ZNF569: variants seen among roughly 807,000 people sequenced by gnomAD.
ZNF569 encodes the protein DNA-binding protein.
In ZNF569, 38 loss-of-function variants were observed where a neutral mutation model predicts 56.3. The observed-to-expected ratio is 0.68, with a 90% CI of 0.52 to 0.88. The LOEUF is 0.88. ZNF569 is among the 40% of genes least tolerant of loss of function. The pLI, the probability that ZNF569 is intolerant of heterozygous loss-of-function variation, is 0.00. For missense variants in ZNF569, 666 were observed against 809.2 expected, an observed-to-expected ratio of 0.82 and a Z score of 2.15; for synonymous variants, 241 against 262.9, an observed-to-expected ratio of 0.92 and a Z score of 0.81.
At position 37,421,743 on chromosome 19, in the gene ZNF569, C is replaced by CTTTT. The variant is rs748058159; in HGVS notation, c.238+4121_238+4124dup. 1.2e-3 allele frequency among the ~76,000 whole-genome samples: 96 copies of CTTTT among 79,696 alleles called. 2 individuals are homozygous for CTTTT. The highest frequency in any genetic ancestry group is 0.011 in the Middle Eastern group (1 of 90). 52.3% of individuals were successfully genotyped at this position (79,696 alleles called of 152,430 possible). ...CATTTGTGTGTATACTGTAGTGGCA[C>CTTTT]TTTTTTTTTTTTTTTTTTTTTTTTG... On this transcript the variant is annotated intron_variant, in intron 5 of 5. Transcript: ENST00000316950.
intron 5 of ZNF569, among the ~76,000 whole-genome samples, chr19:37,416,804 T>A (rs1250159848): frequency 6.6e-6 from 1 of 152,130 alleles, no homozygotes; most frequent in East Asian, 1.9e-4. Flanking sequence ...ATGAAAAATA[T>A]ACAAAAATAA....
chr19:37,443,482 C>G (rs1194498347), intron 3 of ZNF569, among the ~76,000 whole-genome samples: 1 of 152,110 alleles, frequency 6.6e-6, no homozygotes, highest in African/African-American at 2.4e-5. Flanking sequence ...CACAAGTATT[C>G]ACAGAATATC....
chr19:37,452,467 AT>A (rs1364777584), intron 2 of ZNF569, among the ~76,000 whole-genome samples: 1 of 151,962 alleles, frequency 6.6e-6, no homozygotes, highest in Non-Finnish European at 1.5e-5. Context: ...TCCCTTTAGC[AT>A]TTTTTATAAG....
upstream of ZNF569, among the ~76,000 whole-genome samples, chr19:37,468,285 C>T (rs940403019): frequency 6.6e-5 from 10 of 152,016 alleles, no homozygotes; most frequent in Non-Finnish European, 1.2e-4. Context: ...GATAAGGTCT[C>T]GCTATGTTGC....
At chr19:37,416,278 A>AAAAAAAAAAAAC (rs2040931155) in intron 5 of ZNF569, among the ~76,000 whole-genome samples, 1 of 151,816 alleles carries the variant, frequency 6.6e-6, no homozygotes, top group African/African-American at 2.4e-5. Flanking sequence ...AAAAAAAAAA[A>AAAAAAAAAAAAC]CAGGAAAAGA....
chr19:37,421,743 C>CTTTTTT (rs748058159), intron 5 of ZNF569, among the ~76,000 whole-genome samples: 22 of 79,694 alleles, frequency 2.8e-4, no homozygotes, highest in East Asian at 3.7e-4. Flanking sequence ...TGTAGTGGCA[C>CTTTTTT]TTTTTTTTTT....
chr19:37,449,835 T>C (rs1220329412), intron 2 of ZNF569, among the ~76,000 whole-genome samples: 1 of 152,186 alleles, frequency 6.6e-6, no homozygotes, highest in Admixed American at 6.5e-5. Flanking sequence ...ATAAGCTCTA[T>C]CTGTAACTGG....
chr19:37,419,567 CA>C (rs2040994412), intron 5 of ZNF569, among the ~76,000 whole-genome samples: 1 of 151,562 alleles, frequency 6.6e-6, no homozygotes, highest in South Asian at 2.1e-4. Context: ...ACTAAAAATT[CA>C]AAAAAATTAG....
chr19:37,469,180 T>C (rs1290692405), upstream of ZNF569: 3 of 1,221,328 alleles, frequency 2.5e-6, no homozygotes, highest in African/African-American at 3.1e-5. Flanking sequence ...GAGGCCAGTG[T>C]GGGAGGACCT....
At chr19:37,423,861 AT>A in intron 5 of ZNF569, among the ~76,000 whole-genome samples, 1 of 152,286 alleles carries the variant, frequency 6.6e-6, no homozygotes, top group Middle Eastern at 3.4e-3. Flanking sequence ...TTTGGCAACG[AT>A]TTTTTTAAAT....
chr19:37,426,410 T>G (rs753145020), intron 3 of ZNF569, 32 bp from the exon 4 acceptor site: 1 of 1,561,332 alleles, frequency 6.4e-7, no homozygotes, highest in East Asian at 2.3e-5. Context: ...CAATCTGAAG[T>G]CATCCATCTT....
intron 2 of ZNF569, among the ~76,000 whole-genome samples, chr19:37,447,689 A>G (rs1021839407): frequency 6.6e-6 from 1 of 151,856 alleles, no homozygotes; most frequent in African/African-American, 2.4e-5. Context: ...TCTTAGAGAT[A>G]AAGCATTCAG....
intron 1 of ZNF569, chr19:37,466,814 A>G (rs1600364399): frequency 6.6e-6 from 1 of 151,832 alleles, no homozygotes; most frequent in Non-Finnish European, 1.5e-5. Context: ...ACTGAAAGAT[A>G]AAAGGGAAAG....
Position 37,413,876 on chromosome 19 carries a change from TG to T in ZNF569, c.781del (p.Gln261LysfsTer85). ...GGGCTTCTCTCCAGTATGAATTCTT[TG>T]ATGTCTAATGAGATTTGACATTTTA... is the stretch of plus-strand genomic sequence containing the variant. ...FIKMSNLIRH[Q>X]RIHTGEKPYA... is the part of the protein sequence containing the mutation. On this transcript the variant is annotated frameshift_variant, in exon 6 of 6. Coordinates refer to ENST00000316950, the MANE Select transcript of ZNF569 (RefSeq NM_152484.3). LOFTEE classifies it high-confidence loss of function. The T allele has an allele frequency of 6.2e-7, 1 of 1,613,324 alleles. No individual in the cohort carries two copies.
At chr19:37,450,236 T>C (rs546064544) in intron 2 of ZNF569, among the ~76,000 whole-genome samples, 1 of 152,340 alleles carries the variant, frequency 6.6e-6, no homozygotes, top group East Asian at 1.9e-4. Context: ...TTAATTCATC[T>C]TTAAATGTTT....
intron 3 of ZNF569, among the ~76,000 whole-genome samples, chr19:37,441,149 T>C (rs552967594): frequency 6.6e-6 from 1 of 152,284 alleles, no homozygotes; most frequent in East Asian, 1.9e-4. Flanking sequence ...TCCTTCCTCT[T>C]ACAGGCCTGG....
At chr19:37,434,283 G>A (rs1450989189) in intron 3 of ZNF569, among the ~76,000 whole-genome samples, 2 of 141,980 alleles carry the variant, frequency 1.4e-5, no homozygotes, top group Non-Finnish European at 3.0e-5. Flanking sequence ...CTGGTGACAA[G>A]AGCGAGACTC....
At chr19:37,468,388 T>A (rs2041888542), upstream of ZNF569, among the ~76,000 whole-genome samples, 5 of 152,140 alleles carry the variant, frequency 3.3e-5, no homozygotes, top group Admixed American at 2.6e-4. Context: ...ACGGGGCCGG[T>A]CTTAATACCT....
chr19:37,463,499 GATA>G (rs1568753638), intron 2 of ZNF569, among the ~76,000 whole-genome samples: 1 of 152,124 alleles, frequency 6.6e-6, no homozygotes, highest in Non-Finnish European at 1.5e-5. Context: ...ATTAGTATTT[GATA>G]ATATTATTGA....
Sources: allele counts gnomAD v4.1 joint callset (sites outside exome capture counted in the v4.1 genomes callset), GRCh38; gene constraint gnomAD v4.1.1; transcripts MANE v1.5; gene names NCBI Gene and HGNC (gene_info 2026-07-23, HGNC 2026-07-21).